The following IL1RAPL1 variants were observed in gnomAD, a reference collection of about 807,000 sequenced individuals.
The protein encoded by IL1RAPL1 is interleukin-1 receptor accessory protein-like 1.
Under a neutral mutation model 48.4 loss-of-function variants are expected in IL1RAPL1, and 3 were observed. That is an observed-to-expected ratio of 0.06 (90% confidence interval 0.03 to 0.16). The LOEUF (loss-of-function observed/expected upper bound fraction) is 0.16, where lower values mean the gene tolerates loss of function less well. Ranked by LOEUF, IL1RAPL1 falls within the 10% of genes least tolerant of loss-of-function variation. The pLI is 1.00. For missense variants in IL1RAPL1, 349 were observed against 530.6 expected (o/e 0.66, Z 3.36); for synonymous variants, 185 against 187.7 (o/e 0.99, Z 0.12).
At chrX:28,754,254 C>A (rs750235777) in intron 1 of IL1RAPL1, among the ~76,000 whole-genome samples, 2 of 111,524 alleles carry the variant, frequency 1.8e-5, no homozygotes, top group African/African-American at 6.5e-5. Flanking sequence ...TTTAAAAAAT[C>A]TTTTCTCTTC....
intron 2 of IL1RAPL1, among the ~76,000 whole-genome samples, chrX:28,829,004 G>A (rs73208047): frequency 7.3e-4 from 82 of 111,773 alleles, no homozygotes; most frequent in Non-Finnish European, 1.3e-3. Context: ...ATTTATTTAG[G>A]TCTTTAATTT....
chrX:28,612,864 T>C (rs1049421236), intron 1 of IL1RAPL1, among the ~76,000 whole-genome samples: 1 of 112,097 alleles, frequency 8.9e-6, no homozygotes, highest in Non-Finnish European at 1.9e-5. Flanking sequence ...GTATGGAAAC[T>C]TTTCTCTTCA....
intron 5 of IL1RAPL1, among the ~76,000 whole-genome samples, chrX:29,531,867 C>A (rs1921051504): frequency 8.9e-6 from 1 of 111,930 alleles, no homozygotes; most frequent in African/African-American, 3.3e-5. Context: ...TGTGTCTTCA[C>A]ATGGTTATTT....
chrX:29,803,392 CAT>C lies in IL1RAPL1; in HGVS notation c.779-114069_779-114068del, dbSNP rs1408327853. Among the ~76,000 whole-genome samples the C allele has an allele frequency of 2.8e-4, 24 of 85,711 alleles. 3 individuals carry two copies. Among genetic ancestry groups the C allele is most frequent in the African/African-American group, 9.7e-4 (22 of 22,581 alleles). 74.4% of individuals were successfully genotyped at this position (85,711 alleles called of 115,157 possible). On this transcript the variant is annotated intron_variant, in intron 6 of 10. Coordinates refer to ENST00000378993, the MANE Select transcript of IL1RAPL1 (RefSeq NM_014271.4). ...ATGTATATATGTATACATGTATACA[CAT>C]ATGTATATATGTGTATATGTGTATA...
chrX:28,928,361 C>T (rs1322874577), intron 2 of IL1RAPL1, among the ~76,000 whole-genome samples: 1 of 111,197 alleles, frequency 9.0e-6, no homozygotes, highest in Admixed American at 9.6e-5. Flanking sequence ...ACAATTAAAT[C>T]TCCCTTCTTC....
chrX:29,085,492 T>C (rs1446161418), intron 2 of IL1RAPL1, among the ~76,000 whole-genome samples: 3 of 111,923 alleles, frequency 2.7e-5, no homozygotes, highest in African/African-American at 9.7e-5. Context: ...TATATGCTAT[T>C]ATTGGTCCCA....
intron 2 of IL1RAPL1, among the ~76,000 whole-genome samples, chrX:28,926,715 C>G (rs1923751618): frequency 9.0e-6 from 1 of 111,635 alleles, no homozygotes; most frequent in Admixed American, 9.5e-5. Flanking sequence ...TATTCCATTT[C>G]CACTTCTTAT....
chrX:29,017,857 CATTTAAAAT>C (rs1430488265), intron 2 of IL1RAPL1, among the ~76,000 whole-genome samples: 3 of 111,451 alleles, frequency 2.7e-5, no homozygotes, highest in Non-Finnish European at 5.7e-5. Context: ...AGTTGATATA[CATTTAAAAT>C]ATTTTAGATT....
intron 2 of IL1RAPL1, among the ~76,000 whole-genome samples, chrX:29,179,452 G>A (rs769434985): frequency 7.3e-4 from 82 of 111,747 alleles, no homozygotes; most frequent in African/African-American, 2.5e-3. Context: ...AGCTAGTGTG[G>A]TAGTTAGAAT....
At chrX:29,331,000 C>G (rs1932880669) in intron 3 of IL1RAPL1, among the ~76,000 whole-genome samples, 2 of 110,239 alleles carry the variant, frequency 1.8e-5, no homozygotes, top group South Asian at 7.8e-4. Context: ...AACCCCATCT[C>G]TACTAAAAAT....
intron 2 of IL1RAPL1, among the ~76,000 whole-genome samples, chrX:28,852,049 A>G (rs1921675500): frequency 8.9e-6 from 1 of 111,968 alleles, no homozygotes. Context: ...GGTATGTGGT[A>G]ACTTTGTTCC....
intron 5 of IL1RAPL1, among the ~76,000 whole-genome samples, chrX:29,487,531 C>A (rs186192957): frequency 2.3e-3 from 254 of 111,936 alleles, no homozygotes; most frequent in African/African-American, 8.0e-3. Context: ...AATGTAGTCA[C>A]AGAAATGCAC....
At position 29,260,211 on chromosome X, in the gene IL1RAPL1, C is replaced by G. The variant is rs1215568477; in HGVS notation, c.83-22727C>G. Among the ~76,000 whole-genome samples, 7 of 112,483 alleles carry G rather than the reference C, an allele frequency of 6.2e-5. No individual in the cohort carries two copies. In the South Asian group the frequency reaches 2.6e-3, roughly 41 times the overall value. On this transcript the variant is annotated intron_variant, in intron 2 of 10. Coordinates refer to ENST00000378993, the MANE Select transcript of IL1RAPL1 (RefSeq NM_014271.4). ...AGACAGAGAAATTAAAAGCAAATGG[C>G]TAAAGCCGACATAAGGTTTCAAGAG...
At chrX:29,597,829 T>C (rs1923599837) in intron 5 of IL1RAPL1, among the ~76,000 whole-genome samples, 1 of 112,425 alleles carries the variant, frequency 8.9e-6, no homozygotes, top group Non-Finnish European at 1.9e-5. Flanking sequence ...GTGTTCATAG[T>C]AGCCTTGAAT....
chrX:29,153,104 A>G (rs1305391339), intron 2 of IL1RAPL1, among the ~76,000 whole-genome samples: 1 of 111,741 alleles, frequency 8.9e-6, no homozygotes, highest in Non-Finnish European at 1.9e-5. Context: ...GAGACTGTCT[A>G]CATTTCTTAT....
At chrX:29,744,105 G>C (rs1313573580) in intron 6 of IL1RAPL1, among the ~76,000 whole-genome samples, 2 of 112,030 alleles carry the variant, frequency 1.8e-5, no homozygotes, top group Non-Finnish European at 3.8e-5. Flanking sequence ...AATCGAGTTT[G>C]TTTGCAATAA....
chrX:28,762,633 C>A (rs369641682), intron 1 of IL1RAPL1, among the ~76,000 whole-genome samples: 1 of 109,931 alleles, frequency 9.1e-6, no homozygotes, highest in African/African-American at 3.3e-5. Flanking sequence ...TTCCATTATT[C>A]CATGGTAATT....
intron 1 of IL1RAPL1, among the ~76,000 whole-genome samples, chrX:28,715,191 A>G (rs1935488649): frequency 8.9e-6 from 1 of 112,477 alleles, no homozygotes; most frequent in South Asian, 3.6e-4. Context: ...ACCATATAAA[A>G]CAGTCTCTGG....
intron 5 of IL1RAPL1, among the ~76,000 whole-genome samples, chrX:29,625,465 C>A (rs1267573018): frequency 8.9e-6 from 1 of 111,743 alleles, no homozygotes; most frequent in African/African-American, 3.3e-5. Flanking sequence ...GTACTGGACT[C>A]TTGGACAAAT....
Sources: allele counts gnomAD v4.1 joint callset (sites outside exome capture counted in the v4.1 genomes callset), GRCh38; gene constraint gnomAD v4.1.1; transcripts MANE v1.5; gene names NCBI Gene and HGNC (gene_info 2026-07-23, HGNC 2026-07-21).